Variants in NKAIN3 observed in about 807,000 individuals in gnomAD.
NKAIN3 encodes the protein sodium/potassium transporting ATPase interacting 3, also known as sodium/potassium-transporting ATPase subunit beta-1-interacting protein 3.
NKAIN3 carries 25 observed loss-of-function variants against 30.2 expected under a neutral mutation model. The observed-to-expected ratio is 0.83, with a 90% confidence interval of 0.60 to 1.16. The LOEUF is 1.16. NKAIN3 is among the 50% of genes most tolerant of loss of function. The pLI is 0.00. For synonymous variants in NKAIN3, 91 were observed against 89.6 expected (o/e 1.02, Z -0.09); for missense variants, 225 against 254.1 (o/e 0.89, Z 0.78).
At chr8:62,729,880 G>A (rs997310126) in intron 3 of NKAIN3, among the ~76,000 whole-genome samples, 33 of 152,154 alleles carry the variant, frequency 2.2e-4, no homozygotes, top group Non-Finnish European at 3.5e-4. Flanking sequence ...TACACAGGTG[G>A]ATGTGTGACA....
intron 1 of NKAIN3, among the ~76,000 whole-genome samples, chr8:62,574,469 T>TTATTTATTAGCATTTATTTTATTAG (rs1810045277): frequency 6.6e-6 from 1 of 152,120 alleles, no homozygotes; most frequent in Non-Finnish European, 1.5e-5. Flanking sequence ...TTTTATTTAG[T>TTATTTATTAGCATTTATTTTATTAG]TTATTTTAAC....
At chr8:62,536,742 A>G (rs1278975536) in intron 1 of NKAIN3, among the ~76,000 whole-genome samples, 1 of 152,190 alleles carries the variant, frequency 6.6e-6, no homozygotes, top group African/African-American at 2.4e-5. Flanking sequence ...TAGAGTTCAG[A>G]TGGGTTACTT....
chr8:62,654,839 C>T (rs1812721297), intron 3 of NKAIN3, among the ~76,000 whole-genome samples: 1 of 151,958 alleles, frequency 6.6e-6, no homozygotes, highest in Admixed American at 6.6e-5. Flanking sequence ...AAAAGAGGAA[C>T]TCATGAGAAA....
At chr8:62,960,815 T>C (rs1823551155) in intron 6 of NKAIN3, among the ~76,000 whole-genome samples, 1 of 151,664 alleles carries the variant, frequency 6.6e-6, no homozygotes, top group Non-Finnish European at 1.5e-5. Flanking sequence ...AAGAAACACT[T>C]GATTCCATTC....
chr8:62,366,341 C>T (rs1000028435), intron 1 of NKAIN3, among the ~76,000 whole-genome samples: 1 of 151,704 alleles, frequency 6.6e-6, no homozygotes, highest in Non-Finnish European at 1.5e-5. Context: ...ATTCTCATGC[C>T]TCAGCATCCC....
intron 3 of NKAIN3, among the ~76,000 whole-genome samples, chr8:62,663,088 T>TG (rs761730959): frequency 6.6e-6 from 1 of 152,158 alleles, no homozygotes; most frequent in Non-Finnish European, 1.5e-5. Context: ...GGAAAGTGCA[T>TG]GGGAAGGCGT....
chr8:62,816,597 C>T (rs1392164511), intron 4 of NKAIN3, among the ~76,000 whole-genome samples: 1 of 152,042 alleles, frequency 6.6e-6, no homozygotes, highest in African/African-American at 2.4e-5. Flanking sequence ...GGGAAGCCTC[C>T]CCACTATGCT....
rs534548219 is a variant in NKAIN3 at position 62,347,969 on chromosome 8, C to A, written c.54+98842C>A. Reference sequence around the variant, plus strand: ...ATAAATCAAGTCTCAGAAGAATTGTCAGGCCTTAAATGAACTTGAAGATAT... The same window carrying A: ...ATAAATCAAGTCTCAGAAGAATTGTAAGGCCTTAAATGAACTTGAAGATAT... On this transcript the variant is annotated intron_variant, in intron 1 of 6. Coordinates refer to ENST00000623646, the MANE Select transcript of NKAIN3 (RefSeq NM_001304533.3). 6.6e-5 allele frequency among the ~76,000 whole-genome samples: 10 copies of A among 152,250 alleles called. No individual in the cohort carries two copies. In the South Asian group the frequency reaches 1.7e-3, roughly 25 times the overall value.
chr8:62,955,278 T>G (rs904081987), intron 6 of NKAIN3, among the ~76,000 whole-genome samples: 4 of 152,178 alleles, frequency 2.6e-5, no homozygotes, highest in Non-Finnish European at 5.9e-5. Context: ...GGAAAGAACA[T>G]TCACCCTATA....
chr8:62,707,781 C>A (rs1265196313), intron 3 of NKAIN3, among the ~76,000 whole-genome samples: 1 of 151,958 alleles, frequency 6.6e-6, no homozygotes, highest in Non-Finnish European at 1.5e-5. Flanking sequence ...TTTGGGTCCT[C>A]CATCATGAAA....
chr8:62,943,057 T>G (rs2353391), intron 5 of NKAIN3, among the ~76,000 whole-genome samples: 9 of 151,790 alleles, frequency 5.9e-5, no homozygotes, highest in Non-Finnish European at 1.3e-4. Flanking sequence ...AACTAAAAAG[T>G]TTCTTCACAG....
In NKAIN3 at chr8:62,542,558, A is replaced by G. The variant is rs189720235; in HGVS notation, c.55-36981A>G. 5.0e-3 allele frequency among the ~76,000 whole-genome samples: 763 copies of G among 152,302 alleles called. 3 individuals carry two copies. The highest frequency in any genetic ancestry group is 6.0e-3 in the Non-Finnish European group (407 of 68,016). ...ATAATGGATGACATCTCTATCTATA[A>G]CAGTCATCCACCATAAAAAGACCAT... On this transcript the variant is annotated intron_variant, in intron 1 of 6. Coordinates refer to ENST00000623646, the MANE Select transcript of NKAIN3 (RefSeq NM_001304533.3).
At chr8:62,828,513 C>T (rs11785778) in intron 4 of NKAIN3, among the ~76,000 whole-genome samples, 121,597 of 152,112 alleles carry the variant, frequency 0.8, 48,956 homozygotes, top group South Asian at 0.88. Context: ...GTAGACTAGA[C>T]TACCTCTAAG....
chr8:62,540,186 A>T (rs1808794520), intron 1 of NKAIN3, among the ~76,000 whole-genome samples: 1 of 152,068 alleles, frequency 6.6e-6, no homozygotes, highest in Non-Finnish European at 1.5e-5. Context: ...AACTCTTCTT[A>T]TTGTTTATTT....
intron 1 of NKAIN3, among the ~76,000 whole-genome samples, chr8:62,509,063 G>A (rs1015150499): frequency 2.6e-5 from 4 of 152,024 alleles, no homozygotes; most frequent in Non-Finnish European, 2.9e-5. Flanking sequence ...GCCTTTTTAC[G>A]GAAGCAAAAA....
At chr8:62,774,191 G>A (rs1401948875) in intron 4 of NKAIN3, among the ~76,000 whole-genome samples, 1 of 152,026 alleles carries the variant, frequency 6.6e-6, no homozygotes, top group Non-Finnish European at 1.5e-5. Context: ...TACTTTCTTG[G>A]TTTCTTTTTC....
At chr8:62,989,760 G>T (rs1374107601), downstream of NKAIN3, among the ~76,000 whole-genome samples, 5 of 152,170 alleles carry the variant, frequency 3.3e-5, no homozygotes, top group Admixed American at 6.6e-5. Flanking sequence ...TGTGGAAGAT[G>T]TTGGTTCTAC....
chr8:62,872,293 T>C (rs191372306), intron 4 of NKAIN3, among the ~76,000 whole-genome samples: 30 of 152,378 alleles, frequency 2.0e-4, no homozygotes, highest in Non-Finnish European at 3.4e-4. Context: ...TATTTGTATC[T>C]GCAAACTCAG....
intron 4 of NKAIN3, among the ~76,000 whole-genome samples, chr8:62,819,233 A>G (rs1405914144): frequency 6.6e-6 from 1 of 151,178 alleles, no homozygotes; most frequent in Non-Finnish European, 1.5e-5. Flanking sequence ...TGTCAGAGTT[A>G]CAAACTGAAG....
Sources: gnomAD v4.1 joint callset for allele counts (sites outside exome capture counted in the v4.1 genomes callset) on GRCh38, gnomAD v4.1.1 for gene constraint, MANE v1.5 for transcripts, NCBI Gene and HGNC (gene_info 2026-07-23, HGNC 2026-07-21) for gene names.